Variants in GPATCH3 observed in about 807,000 individuals in gnomAD.
GPATCH3 encodes the protein G-patch domain containing 3.
A neutral mutation model predicts 53.2 loss-of-function variants in GPATCH3; 45 were observed. The ratio of observed to expected loss-of-function variants is 0.85; its 90% CI spans 0.67 to 1.08. The LOEUF (loss-of-function observed/expected upper bound fraction) is 1.08, where lower values mean the gene tolerates loss of function less well. Ranked by LOEUF, GPATCH3 falls within the 50% of genes least tolerant of loss-of-function variation. The pLI, the probability that GPATCH3 is intolerant of heterozygous loss-of-function variation, is 0.00. For synonymous variants in GPATCH3, 280 were observed against 270.6 expected, an observed-to-expected ratio of 1.03 and a Z score of -0.34; for missense variants, 680 against 687.2, an observed-to-expected ratio of 0.99 and a Z score of 0.12.
chr1:26,895,623 T>A (rs2081947779), intron 2 of GPATCH3, among the ~76,000 whole-genome samples: 1 of 150,970 alleles, frequency 6.6e-6, no homozygotes, highest in Admixed American at 6.6e-5. Context: ...TCCAGATGTC[T>A]TAGCAATCTT....
At chr1:26,894,738 G>GC (rs1488629315) in intron 2 of GPATCH3, among the ~76,000 whole-genome samples, 1 of 151,970 alleles carries the variant, frequency 6.6e-6, no homozygotes, top group Non-Finnish European at 1.5e-5. Context: ...CCTACATGAA[G>GC]CCCCCCACAT....
In GPATCH3 at chr1:26,892,793, T is replaced by C; in HGVS notation, c.1112-2A>G. Reference sequence around the variant, plus strand: ...CTCGGGCATCCTTGTCTCCACCATCTGAGGAAACAGAGCTCAGTTTATGGA... The same window carrying C: ...CTCGGGCATCCTTGTCTCCACCATCCGAGGAAACAGAGCTCAGTTTATGGA... On this transcript the variant is annotated splice_acceptor_variant, in intron 4 of 6. Transcript: ENST00000361720. LOFTEE classifies it high-confidence loss of function. 6.2e-7 allele frequency: 1 copy of C among 1,613,690 alleles called. No individual in the cohort carries two copies. Among genetic ancestry groups the C allele is most frequent in the Non-Finnish European group, 8.5e-7 (1 of 1,179,644 alleles).
chr1:26,895,266 T>C (rs377146027), intron 2 of GPATCH3, among the ~76,000 whole-genome samples: 10 of 152,142 alleles, frequency 6.6e-5, no homozygotes, highest in African/African-American at 2.2e-4. Flanking sequence ...GGCTCACGCC[T>C]GTAATCCCAG....
At chr1:26,893,507 G>A in intron 3 of GPATCH3, 59 bp from the exon 4 acceptor site, 1 of 675,052 alleles carries the variant, frequency 1.5e-6, no homozygotes, top group Non-Finnish European at 2.5e-6. Flanking sequence ...TCTATTAAGA[G>A]TTAAACCTAG....
At chr1:26,898,163 C>G (rs1429756269) in intron 1 of GPATCH3, among the ~76,000 whole-genome samples, 1 of 151,928 alleles carries the variant, frequency 6.6e-6, no homozygotes, top group African/African-American at 2.4e-5. Context: ...TAAAATAAAT[C>G]CATTAGCCTC....
chr1:26,891,649 C>A (rs1427264520), intron 6 of GPATCH3, among the ~76,000 whole-genome samples: 1 of 152,038 alleles, frequency 6.6e-6, no homozygotes, highest in East Asian at 1.9e-4. Context: ...TGGGTTCAAG[C>A]GATTCTCCTG....
Position 26,894,308 on chromosome 1 carries a change from G to A in GPATCH3, c.979C>T (p.Leu327Phe). Reference sequence around the variant, plus strand: ...CCAGAGCCACCCTTCTCCCACTTGAGCTCAATCTCCTCCTCAAAGAGCTGC... The same window carrying A: ...CCAGAGCCACCCTTCTCCCACTTGAACTCAATCTCCTCCTCAAAGAGCTGC... ...TEQLFEEEIELKWEKGGSGLV... is the reference protein window; with the variant it reads ...TEQLFEEEIEFKWEKGGSGLV... The change falls in exon 3 of 7, where the codon CTC (leucine) becomes TTC (phenylalanine). Residue 327 changes from leucine to phenylalanine, a missense_variant. Physicochemically the swap from Leu to Phe is conservative, Grantham distance 22. Coordinates refer to ENST00000361720, the MANE Select transcript of GPATCH3 (RefSeq NM_022078.3). 6.8e-6 allele frequency: 11 copies of A among 1,614,078 alleles called. No individual in the cohort carries two copies. The highest frequency in any genetic ancestry group is 8.5e-6 in the Non-Finnish European group (10 of 1,180,018).
intron 6 of GPATCH3, 30 bp downstream of exon 6, chr1:26,892,381 C>T (rs1054828448): frequency 1.3e-6 from 2 of 1,598,798 alleles, no homozygotes; most frequent in Non-Finnish European, 8.6e-7. Flanking sequence ...AAGGCTTGGG[C>T]CCCCAGGGAA....
At chr1:26,893,659 T>TAC (rs1157969726) in intron 3 of GPATCH3, among the ~76,000 whole-genome samples, 2 of 150,442 alleles carry the variant, frequency 1.3e-5, no homozygotes, top group Admixed American at 1.3e-4. Flanking sequence ...TAGCTGGGAC[T>TAC]ACAGGTGCAT....
intron 3 of GPATCH3, 55 bp downstream of exon 3, chr1:26,894,181 C>T: frequency 6.4e-7 from 1 of 1,564,914 alleles, no homozygotes. Context: ...GAACAGGGAA[C>T]CCCAAAAGAA....
rs1216670106 is a variant in GPATCH3 at position 26,897,830 on chromosome 1, T to C, written c.452-105A>G. On this transcript the variant is annotated intron_variant, in intron 1 of 6. Transcript: ENST00000361720. The stretch of plus-strand genomic sequence containing the variant: ...TCTGTTAGCCTTTCCCTAGTAAACA[T>C]CTAGTAAATCCCTAGTAAAAATCTA... 3.4e-6 allele frequency: 3 copies of C among 894,524 alleles called. No homozygotes were observed. The African/African-American group carries it at 5.1e-5, about 15-fold the overall frequency. 55.4% of individuals were successfully genotyped at this position (894,524 alleles called of 1,614,324 possible). A position where few individuals can be genotyped will look rare whatever the true frequency, so the allele number is the denominator to read the frequency against.
At chr1:26,893,307 G>T in intron 4 of GPATCH3, 82 bp downstream of exon 4, 1 of 1,112,862 alleles carries the variant, frequency 9.0e-7, no homozygotes, top group Non-Finnish European at 1.4e-6. Context: ...CCCTGTCTCA[G>T]CCTTTGCTAG....
At chr1:26,893,474 A>C in intron 3 of GPATCH3, 26 bp from the exon 4 acceptor site, 1 of 1,577,394 alleles carries the variant, frequency 6.3e-7, no homozygotes, top group Non-Finnish European at 8.7e-7. Context: ...AGCATCCAAC[A>C]GAGTACATTA....
At chr1:26,894,455 T>C (rs771262216) in intron 2 of GPATCH3, 45 bp from the exon 3 acceptor site, 6 of 1,586,324 alleles carry the variant, frequency 3.8e-6, no homozygotes, top group Non-Finnish European at 5.2e-6. Context: ...CCTGACCTCA[T>C]GCCCCGAGGG....
chr1:26,895,624 T>C (rs1173571646), intron 2 of GPATCH3, among the ~76,000 whole-genome samples: 3 of 150,486 alleles, frequency 2.0e-5, no homozygotes, highest in Non-Finnish European at 4.4e-5. Context: ...CCAGATGTCT[T>C]AGCAATCTTG....
chr1:26,892,821 C>T (rs200570189), intron 4 of GPATCH3, 30 bp from the exon 5 acceptor site: 5 of 1,606,374 alleles, frequency 3.1e-6, no homozygotes, highest in East Asian at 2.2e-5. Context: ...TTTATGGAAG[C>T]GTCCCTCTCA....
In GPATCH3 at chr1:26,892,671, T is replaced by C. The variant is rs1240594183; in HGVS notation, c.1232A>G (p.Lys411Arg). ...GGGGTGGGCACAGTGCTAACTCACC[T>C]TGGTGTGGCGCTCAAAGGTGCCCAC... ...RQVGTFERHTKGIGRKVMERQ... is the reference protein window; with the variant it reads ...RQVGTFERHTRGIGRKVMERQ... The change falls in exon 5 of 7, where the codon AAG becomes AGG. Residue 411 changes from lysine to arginine, a missense_variant and splice_region_variant. Lys to Arg is a conservative substitution (Grantham distance 26). Transcript: ENST00000361720. The C allele has an allele frequency of 6.2e-7, 1 of 1,614,120 alleles. No homozygotes were observed. The highest frequency in any genetic ancestry group is 8.5e-7 in the Non-Finnish European group (1 of 1,180,022).
chr1:26,895,677 G>A (rs1021406567), intron 2 of GPATCH3, among the ~76,000 whole-genome samples: 17 of 148,504 alleles, frequency 1.1e-4, no homozygotes, highest in South Asian at 1.1e-3. Context: ...TCACTCTATC[G>A]CCCAGGCTGG....
chr1:26,897,791 G>A, intron 1 of GPATCH3, 66 bp from the exon 2 acceptor site: 1 of 1,352,122 alleles, frequency 7.4e-7, no homozygotes. Flanking sequence ...GCCAGAAATT[G>A]GCCAATGTTT....
Sources: allele counts gnomAD v4.1 joint callset (sites outside exome capture counted in the v4.1 genomes callset), GRCh38; gene constraint gnomAD v4.1.1; transcripts MANE v1.5; gene names NCBI Gene and HGNC (gene_info 2026-07-23, HGNC 2026-07-21).